Variants in EIF3A observed in about 807,000 individuals in gnomAD.
EIF3A encodes the protein eukaryotic translation initiation factor 3 subunit A, also known as EIF3, p180 subunit.
EIF3A carries 21 observed loss-of-function variants against 186.6 expected under a neutral mutation model. The ratio of observed to expected loss-of-function variants is 0.11; its 90% CI spans 0.08 to 0.16. The LOEUF (loss-of-function observed/expected upper bound fraction) is 0.16. EIF3A is among the 10% of genes least tolerant of loss of function. The probability of loss-of-function intolerance (pLI) is 1.00; values close to 1 mark genes in which losing one functional copy is unlikely to be tolerated. For missense variants in EIF3A, 1,306 were observed against 1,796.3 expected, an observed-to-expected ratio of 0.73 and a Z score of 4.93; for synonymous variants, 563 against 584.3, an observed-to-expected ratio of 0.96 and a Z score of 0.52.
chr10:119,068,264 A>G (rs1202375861), intron 6 of EIF3A, among the ~76,000 whole-genome samples: 2 of 152,232 alleles, frequency 1.3e-5, no homozygotes, highest in Non-Finnish European at 2.9e-5. Context: ...AAATTGGTCT[A>G]TAGGTTGTTG....
intron 1 of EIF3A, among the ~76,000 whole-genome samples, chr10:119,077,549 C>A (rs867079134): frequency 6.6e-6 from 1 of 150,718 alleles, no homozygotes; most frequent in Non-Finnish European, 1.5e-5. Flanking sequence ...GAATTTAGTT[C>A]CTCCGAATTT....
intron 15 of EIF3A, 44 bp downstream of exon 15, chr10:119,051,155 A>G: frequency 6.4e-7 from 1 of 1,563,616 alleles, no homozygotes; most frequent in Non-Finnish European, 8.6e-7. Flanking sequence ...GGCCAATACT[A>G]GAAAGCTCAT....
chr10:119,080,326 G>A (rs1192163589), intron 1 of EIF3A: 4 of 985,336 alleles, frequency 4.1e-6, no homozygotes, highest in East Asian at 1.1e-4. Flanking sequence ...CAGCAAGGAG[G>A]GAGCTCCAGT....
At chr10:119,048,962 C>T (rs530409) in intron 17 of EIF3A, among the ~76,000 whole-genome samples, 49,437 of 152,016 alleles carry the variant, frequency 0.33, 8,830 homozygotes, top group Non-Finnish European at 0.4. Context: ...CCACCACGCC[C>T]GGCCAAACGA....
chr10:119,059,389 A>C lies in EIF3A; in HGVS notation c.1452T>G (p.Ile484Met). ...AARHCDLQVRIDHTSRTLSFG... is the reference protein window; with the variant it reads ...AARHCDLQVRMDHTSRTLSFG... ...AACTCAGGGTCCGAGAAGTGTGATC[A>C]ATACGAACCTTTGAAAATTAAATTA... The change falls in exon 11 of 22, where the codon ATT becomes ATG. Residue 484 changes from isoleucine (I) to methionine (M), a missense_variant. Physicochemically the swap from Ile to Met is conservative, Grantham distance 10. Transcript: ENST00000369144. The C allele has an allele frequency of 6.4e-7, 1 of 1,561,522 alleles. No homozygotes were observed. The highest frequency in any genetic ancestry group is 8.7e-7 in the Non-Finnish European group (1 of 1,155,678).
chr10:119,044,161 A>G lies in EIF3A; in HGVS notation c.2659-19T>C. 3 of 1,538,934 alleles carry G rather than the reference A, an allele frequency of 1.9e-6. No homozygotes were observed. The highest frequency in any genetic ancestry group is 2.7e-6 in the Non-Finnish European group (3 of 1,112,226). ...GAGAGTCCTCCATTGACAAAGTGAA[A>G]AAGAAGCATTACATTGGTAACCATT... On this transcript the variant is annotated intron_variant, in intron 17 of 21. Transcript: ENST00000369144.
In EIF3A at chr10:119,070,912, T is replaced by C. The variant is rs759319190; in HGVS notation, c.715A>G (p.Ser239Gly). Residue 239 changes from serine (S) to glycine (G), a missense_variant, in exon 5 of 22, where the codon AGT becomes GGT. Physicochemically the swap from Ser to Gly is moderately conservative, Grantham distance 56. Coordinates refer to ENST00000369144, the MANE Select transcript of EIF3A (RefSeq NM_003750.4). The stretch of plus-strand genomic sequence containing the variant: ...TGCCACAATTCCATGCTGATAGCAC[T>C]GTCCAGCTGAACAAGTCTGGTTTCC... ...HLETRLVQLDSAISMELWQEA... is the reference protein window; with the variant it reads ...HLETRLVQLDGAISMELWQEA... 6.2e-7 allele frequency: 1 copy of C among 1,613,528 alleles called. No individual in the cohort carries two copies. Among genetic ancestry groups the C allele is most frequent in the South Asian group, 1.1e-5 (1 of 91,082 alleles).
chr10:119,044,160 A>G lies in EIF3A; in HGVS notation c.2659-18T>C, dbSNP rs373332834. ...CGAGAGTCCTCCATTGACAAAGTGA[A>G]AAAGAAGCATTACATTGGTAACCAT... On this transcript the variant is annotated intron_variant, in intron 17 of 21. Coordinates refer to ENST00000369144, the MANE Select transcript of EIF3A (RefSeq NM_003750.4). The G allele has an allele frequency of 3.1e-5, 48 of 1,544,628 alleles. No homozygotes were observed. The highest frequency in any genetic ancestry group is 5.0e-5 in the Admixed American group (3 of 59,570).
chr10:119,066,495 T>C (rs1486546485), intron 6 of EIF3A, among the ~76,000 whole-genome samples: 9 of 80,784 alleles, frequency 1.1e-4, no homozygotes, highest in Non-Finnish European at 1.3e-4. Context: ...GGGGGCAGAG[T>C]TAAGACTGTC....
chr10:119,069,716 A>G lies in EIF3A; in HGVS notation c.742-62T>C, dbSNP rs570879708. 28 of 826,486 alleles carry G rather than the reference A, an allele frequency of 3.4e-5. No homozygotes were observed. The African/African-American group carries it at 4.7e-4, about 14-fold the overall frequency. The allele number at this position is 826,486 out of a possible 1,614,324, so 51.2% of individuals were successfully genotyped here. A position where few individuals can be genotyped will look rare whatever the true frequency, so the allele number is the denominator to read the frequency against. On this transcript the variant is annotated intron_variant, in intron 5 of 21. Coordinates refer to ENST00000369144, the MANE Select transcript of EIF3A (RefSeq NM_003750.4). Reference sequence around the variant, plus strand: ...TATAACACGAAAAAAATCTAATTCAAATTTCTATGAAACCTACAACACAGA... The same window carrying G: ...TATAACACGAAAAAAATCTAATTCAGATTTCTATGAAACCTACAACACAGA...
rs1843957301 is a variant in EIF3A, at chr10:119,065,463, C to T, written c.1058G>A (p.Arg353His). Residue 353 changes from arginine to histidine, a missense_variant, in exon 7 of 22, where the codon CGT becomes CAT. Arg to His is a conservative substitution (Grantham distance 29). Around this residue, in one of 8 missense-constraint regions of EIF3A, gnomAD observed 267 missense variants for 367.8 expected, o/e 0.73. Coordinates refer to ENST00000369144, the MANE Select transcript of EIF3A (RefSeq NM_003750.4). ...AAGACCTAGTAGTGTTGCAAGGCGA[C>T]GCTGTTTTTCAACTATAATGCCATC... ...DMDGIIVEKQ[R>H]RLATLLGLQA... The T allele has an allele frequency of 3.7e-6, 6 of 1,613,712 alleles. No individual in the cohort carries two copies. Among genetic ancestry groups the T allele is most frequent in the Admixed American group, 1.7e-5 (1 of 60,022 alleles).
At position 119,064,082 on chromosome 10, in the gene EIF3A, AAAC is replaced by A. The variant is rs565414919; in HGVS notation, c.1122+1314_1122+1316del. On this transcript the variant is annotated intron_variant, in intron 7 of 21. Coordinates refer to ENST00000369144, the MANE Select transcript of EIF3A (RefSeq NM_003750.4). ...CAACAGAGCTAGACCCTGTCTCAAAAAACAACAACAACACGTCTTAGGCTCCAC... is the reference window on the plus strand; with the variant it reads ...CAACAGAGCTAGACCCTGTCTCAAAAAACAACAACACGTCTTAGGCTCCAC... Among the ~76,000 whole-genome samples, 918 of 152,286 alleles carry A rather than the reference AAAC, an allele frequency of 6.0e-3. 3 individuals are homozygous for A. Among genetic ancestry groups the A allele is most frequent in the Admixed American group, 0.013 (201 of 15,296 alleles).
At chr10:119,080,317 A>G (rs1844243582) in intron 1 of EIF3A, 1 of 985,322 alleles carries the variant, frequency 1.0e-6, no homozygotes, top group Non-Finnish European at 1.2e-6. Flanking sequence ...GGACGCAGGC[A>G]GCAAGGAGGG....
At position 119,061,532 on chromosome 10, in the gene EIF3A, G is replaced by A. The variant is rs561609781; in HGVS notation, c.1123-204C>T. ...CCCACACTATGCACATTAACCTACC[G>A]TGAAAAGCCCCACAAGTATGTAAAA... On this transcript the variant is annotated intron_variant, in intron 7 of 21. Coordinates refer to ENST00000369144, the MANE Select transcript of EIF3A (RefSeq NM_003750.4). Among the ~76,000 whole-genome samples, 63 of 151,786 alleles carry A rather than the reference G, an allele frequency of 4.2e-4. No homozygotes were observed. The South Asian group carries it at 5.4e-3, about 13-fold the overall frequency.
At chr10:119,037,450 C>G in intron 20 of EIF3A, 141 bp from the exon 21 acceptor site, 1 of 704,440 alleles carries the variant, frequency 1.4e-6, no homozygotes, top group East Asian at 2.7e-5. Context: ...TACCTGATGC[C>G]TGGGGCGTGG....
At chr10:119,070,599 G>A (rs1240968927) in intron 5 of EIF3A, among the ~76,000 whole-genome samples, 1 of 152,154 alleles carries the variant, frequency 6.6e-6, no homozygotes, top group Non-Finnish European at 1.5e-5. Context: ...GATGACACCA[G>A]TCATGAAACC....
In EIF3A at chr10:119,072,897, G is replaced by C. The variant is rs200391720; in HGVS notation, c.534C>G (p.Ala178=). Residue 178 remains alanine, a synonymous_variant, in exon 4 of 22, where the codon GCC becomes GCG. Coordinates refer to ENST00000369144, the MANE Select transcript of EIF3A (RefSeq NM_003750.4). ...SRVERLYHDI[A]QQAFKFCLQY... is the part of the protein sequence containing the mutation. ...TTGATCTTCTCATCTTACCTTGCTG[G>C]GCAATATCATGGTACAGGCGCTCTA... 2.5e-6 allele frequency: 4 copies of C among 1,608,512 alleles called. No homozygotes were observed. The highest frequency in any genetic ancestry group is 3.4e-6 in the Non-Finnish European group (4 of 1,178,524).
rs548460946 is a variant in EIF3A, at chr10:119,050,540, T to G, written c.2454A>C (p.Ala818=). Residue 818 remains alanine, a synonymous_variant, in exon 16 of 22, where the codon GCA becomes GCC. Coordinates refer to ENST00000369144, the MANE Select transcript of EIF3A (RefSeq NM_003750.4). ...REKEEEEQRR[A]EEQMLKEREE... ...GTGTACCTTTTAGCATTTGTTCTTC[T>G]GCCCTTCTCTGCTCCTCCTCTTCTT... is the stretch of plus-strand genomic sequence containing the variant. 1.2e-5 allele frequency: 19 copies of G among 1,614,098 alleles called. No individual in the cohort carries two copies. The African/African-American group carries it at 2.4e-4, about 20-fold the overall frequency.
intron 6 of EIF3A, among the ~76,000 whole-genome samples, chr10:119,069,132 T>C (rs1844031937): frequency 6.6e-6 from 1 of 152,248 alleles, no homozygotes; most frequent in Non-Finnish European, 1.5e-5. Context: ...CGGAGTTACT[T>C]ATCACCTGAG....
Sources: gnomAD v4.1 joint callset for allele counts (sites outside exome capture counted in the v4.1 genomes callset) on GRCh38, gnomAD v4.1.1 for gene constraint, gnomAD v4.1.1 regional missense constraint, MANE v1.5 for transcripts, NCBI Gene and HGNC (gene_info 2026-07-23, HGNC 2026-07-21) for gene names.